Variants in ASTN1 observed in about 807,000 individuals in gnomAD.
The protein encoded by ASTN1 is astrotactin 1.
ASTN1 carries 41 observed loss-of-function variants against 140.7 expected under a neutral mutation model. The observed-to-expected ratio is 0.29, with a 90% CI of 0.23 to 0.38. ASTN1 has a LOEUF of 0.38. Ranked by LOEUF, ASTN1 falls within the 10% of genes least tolerant of loss-of-function variation. The pLI is 1.00. For missense variants in ASTN1, 1,479 were observed against 1,678.8 expected (o/e 0.88, Z 2.08); for synonymous variants, 640 against 652.2 (o/e 0.98, Z 0.29).
At chr1:176,906,889 G>A (rs1670029568) in intron 16 of ASTN1, among the ~76,000 whole-genome samples, 1 of 151,940 alleles carries the variant, frequency 6.6e-6, no homozygotes, top group African/African-American at 2.4e-5. Flanking sequence ...TGGTGGGGGA[G>A]GTAGGCTAAA....
intron 8 of ASTN1, among the ~76,000 whole-genome samples, chr1:176,996,634 G>A (rs1674462656): frequency 6.6e-6 from 1 of 152,192 alleles, no homozygotes. Context: ...GAGAACAGCA[G>A]ACTTAATACA....
chr1:177,014,909 C>T, intron 7 of ASTN1, 34 bp from the exon 8 acceptor site: 1 of 1,560,546 alleles, frequency 6.4e-7, no homozygotes, highest in Non-Finnish European at 8.8e-7. Flanking sequence ...GAAAGAGAAA[C>T]ATGAAGGAAT....
At chr1:176,934,735 G>A (rs750660503) in intron 15 of ASTN1, among the ~76,000 whole-genome samples, 10 of 152,000 alleles carry the variant, frequency 6.6e-5, no homozygotes, top group South Asian at 4.2e-4. Context: ...AATACCAGCC[G>A]AGAACATTTC....
intron 8 of ASTN1, among the ~76,000 whole-genome samples, chr1:176,991,073 G>A (rs1339116711): frequency 1.3e-5 from 2 of 152,076 alleles, no homozygotes; most frequent in Non-Finnish European, 2.9e-5. Context: ...TCATTTCTCT[G>A]TACTTCAGTT....
At chr1:176,857,880 A>G (rs1243446795), downstream of ASTN1, among the ~76,000 whole-genome samples, 1 of 152,212 alleles carries the variant, frequency 6.6e-6, no homozygotes, top group Admixed American at 6.5e-5. Context: ...TCCAAACCAC[A>G]GGGACAGGGC....
At position 176,942,855 on chromosome 1, in the gene ASTN1, TA is replaced by T. The variant is rs1557978115; in HGVS notation, c.2377+1035del. 7.1e-4 allele frequency among the ~76,000 whole-genome samples: 69 copies of T among 97,394 alleles called. 9 individuals are homozygous for T. Among genetic ancestry groups the T allele is most frequent in the Middle Eastern group, 4.8e-3 (1 of 210 alleles). 63.9% of individuals were successfully genotyped at this position (97,394 alleles called of 152,430 possible). ...ATATATGTATATATATATATATATATATATATATATAGATTGATGTCTCATG... is the reference window on the plus strand; with the variant it reads ...ATATATGTATATATATATATATATATTATATATATAGATTGATGTCTCATG... On this transcript the variant is annotated intron_variant, in intron 14 of 22. Transcript: ENST00000361833.
chr1:176,976,270 G>T (rs1288800680), intron 8 of ASTN1: 1 of 152,160 alleles, frequency 6.6e-6, no homozygotes, highest in Non-Finnish European at 1.5e-5. Context: ...CACACATGTG[G>T]TCGTGCACAT....
intron 1 of ASTN1, among the ~76,000 whole-genome samples, chr1:177,083,772 T>C (rs1398460898): frequency 6.6e-6 from 1 of 152,146 alleles, no homozygotes; most frequent in Non-Finnish European, 1.5e-5. Context: ...GGTAACCACC[T>C]GGGGTCAGGA....
At chr1:176,965,990 T>A (rs1306758781) in intron 8 of ASTN1, among the ~76,000 whole-genome samples, 2 of 152,208 alleles carry the variant, frequency 1.3e-5, no homozygotes, top group African/African-American at 4.8e-5. Context: ...ACTATTTCTT[T>A]TAAATAGTGT....
intron 19 of ASTN1, among the ~76,000 whole-genome samples, chr1:176,883,542 T>G (rs576743056): frequency 2.0e-5 from 3 of 152,216 alleles, no homozygotes; most frequent in Non-Finnish European, 4.4e-5. Context: ...GATAGCATTC[T>G]GGTCAGTGGT....
intron 8 of ASTN1, among the ~76,000 whole-genome samples, chr1:177,001,667 A>C (rs1189038062): frequency 2.6e-5 from 4 of 152,216 alleles, no homozygotes; most frequent in Non-Finnish European, 4.4e-5. Context: ...AAATGTGAGC[A>C]GGTGAACGTT....
intron 1 of ASTN1, among the ~76,000 whole-genome samples, chr1:177,114,314 A>G (rs1478389305): frequency 1.3e-5 from 2 of 152,220 alleles, no homozygotes; most frequent in Non-Finnish European, 2.9e-5. Context: ...AGTGCCTAAC[A>G]TGTAATAATT....
intron 1 of ASTN1, among the ~76,000 whole-genome samples, chr1:177,143,594 T>G (rs1682568417): frequency 6.6e-6 from 1 of 152,210 alleles, no homozygotes; most frequent in Non-Finnish European, 1.5e-5. Flanking sequence ...ATTCAAATAA[T>G]ATCTTCATAA....
chr1:176,872,680 TC>T (rs147936709), intron 21 of ASTN1, among the ~76,000 whole-genome samples: 13 of 152,212 alleles, frequency 8.5e-5, no homozygotes, highest in African/African-American at 2.9e-4. Flanking sequence ...TGTGGAATCT[TC>T]CCCACACTCT....
chr1:177,009,414 G>T (rs1168589087), intron 8 of ASTN1, among the ~76,000 whole-genome samples: 1 of 152,174 alleles, frequency 6.6e-6, no homozygotes, highest in East Asian at 1.9e-4. Flanking sequence ...GACATGTTTT[G>T]AGCAAGACAG....
Position 176,863,659 on chromosome 1 carries a change from C to T in ASTN1, c.*625G>A. On this transcript the variant is annotated 3_prime_UTR_variant, in exon 23 of 23. Coordinates refer to ENST00000361833, the MANE Select transcript of ASTN1 (RefSeq NM_004319.3). Reference sequence around the variant, plus strand: ...AGGAAGGATCTCAAAACCCAAGTGGCCCACTGGGGCCTATAATGAAAGCTG... The same window carrying T: ...AGGAAGGATCTCAAAACCCAAGTGGTCCACTGGGGCCTATAATGAAAGCTG... 1 of 985,524 alleles carries T rather than the reference C, an allele frequency of 1.0e-6. No individual in the cohort carries two copies. Among genetic ancestry groups the T allele is most frequent in the Non-Finnish European group, 1.2e-6 (1 of 830,040 alleles). The allele number at this position is 985,524 out of a possible 1,614,324, so 61.0% of individuals were successfully genotyped here.
At chr1:176,998,666 G>A (rs977534870) in intron 8 of ASTN1, among the ~76,000 whole-genome samples, 24 of 152,290 alleles carry the variant, frequency 1.6e-4, no homozygotes, top group African/African-American at 3.4e-4. Flanking sequence ...CCACCCGACC[G>A]CTGTGCACAC....
intron 1 of ASTN1, among the ~76,000 whole-genome samples, chr1:177,073,488 G>A (rs911172048): frequency 6.6e-6 from 1 of 150,686 alleles, no homozygotes. Context: ...ATACTTTAAT[G>A]TGATAAGCCT....
intron 16 of ASTN1, among the ~76,000 whole-genome samples, chr1:176,907,087 C>A (rs1365577054): frequency 6.6e-6 from 1 of 152,132 alleles, no homozygotes; most frequent in African/African-American, 2.4e-5. Context: ...AGAATGAGTT[C>A]TATTTTCCTT....
Sources: gnomAD v4.1 joint callset for allele counts (sites outside exome capture counted in the v4.1 genomes callset) on GRCh38, gnomAD v4.1.1 for gene constraint, MANE v1.5 for transcripts, NCBI Gene and HGNC (gene_info 2026-07-23, HGNC 2026-07-21) for gene names.